The following AASDH variants were observed in gnomAD, a reference collection of about 807,000 sequenced individuals.
The protein encoded by AASDH is aminoadipate-semialdehyde dehydrogenase, also known as beta-alanine-activating enzyme.
AASDH carries 81 observed loss-of-function variants against 102.3 expected under a neutral mutation model. That is an observed-to-expected ratio of 0.79 (90% CI 0.66 to 0.95). The LOEUF is 0.95. Ranked by LOEUF, AASDH falls within the 40% of genes least tolerant of loss-of-function variation. The pLI, the probability that AASDH is intolerant of heterozygous loss-of-function variation, is 0.00. For synonymous variants in AASDH, 398 were observed against 454.0 expected, an observed-to-expected ratio of 0.88 and a Z score of 1.57; for missense variants, 1,203 against 1,266.2, an observed-to-expected ratio of 0.95 and a Z score of 0.76.
chr4:56,364,959 G>A (rs1455818993), intron 5 of AASDH, among the ~76,000 whole-genome samples: 2 of 152,236 alleles, frequency 1.3e-5, no homozygotes, highest in East Asian at 3.9e-4. Flanking sequence ...TCAGTGTGCT[G>A]TATTCAGGAA....
Position 56,378,206 on chromosome 4 carries a change from T to C in AASDH, c.610A>G (p.Ile204Val). 3 of 1,613,758 alleles carry C rather than the reference T, an allele frequency of 1.9e-6. No homozygotes were observed. The highest frequency in any genetic ancestry group is 2.5e-6 in the Non-Finnish European group (3 of 1,179,924). ...TGAGGCACTCTGACAATCTTCGGTA[T>C]CCCTGTAGTCCCTGATGTATGTAGA... ...YVLHTSGTTGIPKIVRVPHKC... is the reference protein window; with the variant it reads ...YVLHTSGTTGVPKIVRVPHKC... The change falls in exon 4 of 15, where the codon ATA becomes GTA. Residue 204 changes from isoleucine to valine, a missense_variant. Coordinates refer to ENST00000205214, the MANE Select transcript of AASDH (RefSeq NM_181806.4).
At chr4:56,364,611 C>A (rs528537221) in intron 5 of AASDH, among the ~76,000 whole-genome samples, 1 of 152,180 alleles carries the variant, frequency 6.6e-6, no homozygotes, top group South Asian at 2.1e-4. Flanking sequence ...TCATATCCAG[C>A]CAAACTAAGC....
At chr4:56,376,305 A>G (rs945425429) in intron 4 of AASDH, among the ~76,000 whole-genome samples, 22 of 152,184 alleles carry the variant, frequency 1.4e-4, no homozygotes, top group Non-Finnish European at 3.2e-4. Flanking sequence ...GATTACAGGC[A>G]TGAGCCACTG....
At chr4:56,356,771 T>G in intron 5 of AASDH, 1 of 730,044 alleles carries the variant, frequency 1.4e-6, no homozygotes, top group Non-Finnish European at 2.5e-6. Context: ...GACAAAGGCG[T>G]TTTGGCTAAG....
At position 56,371,313 on chromosome 4, in the gene AASDH, C is replaced by T. The variant is rs774021587; in HGVS notation, c.861+138G>A. The stretch of plus-strand genomic sequence containing the variant: ...AAATAAACAACAAAAAAAGTCACAT[C>T]CTGAGGAGACGGCCCTTGATAATCT... On this transcript the variant is annotated intron_variant, in intron 5 of 14. Transcript: ENST00000205214. 1.6e-4 allele frequency: 137 copies of T among 832,808 alleles called. No homozygotes were observed. The Admixed American group carries it at 2.5e-3, about 15-fold the overall frequency. The allele number at this position is 832,808 out of a possible 1,614,324, so 51.6% of individuals were successfully genotyped here.
chr4:56,371,452 T>C lies in AASDH; in HGVS notation c.860A>G (p.Gln287Arg), dbSNP rs571750893. ...ACGTTCATTGCTACTAAAATGTACC[T>C]GCAAAACAGTCACTCTATGATGGGA... The part of the protein sequence containing the change: ...LFSHHRVTVL[Q>R]ATPTLLRRFG... Residue 287 changes from glutamine to arginine, a missense_variant and splice_region_variant, in exon 5 of 15, where the codon CAG becomes CGG. Gln to Arg is a conservative substitution (Grantham distance 43, BLOSUM62 1). Coordinates refer to ENST00000205214, the MANE Select transcript of AASDH (RefSeq NM_181806.4). 2 of 1,597,736 alleles carry C rather than the reference T, an allele frequency of 1.3e-6. No homozygotes were observed. The highest frequency in any genetic ancestry group is 2.2e-5 in the East Asian group (1 of 44,796).
At chr4:56,384,673 A>G (rs1169566366) in intron 1 of AASDH, among the ~76,000 whole-genome samples, 2 of 151,920 alleles carry the variant, frequency 1.3e-5, no homozygotes, top group Non-Finnish European at 2.9e-5. Context: ...ATTAATCAAT[A>G]AAATCAAATT....
intron 11 of AASDH, among the ~76,000 whole-genome samples, chr4:56,347,874 C>T (rs941033926): frequency 1.3e-5 from 2 of 152,058 alleles, no homozygotes; most frequent in Admixed American, 6.6e-5. Flanking sequence ...TCCAGGAGGC[C>T]GGGTGCAGTG....
chr4:56,345,364 C>A, intron 11 of AASDH, 74 bp from the exon 12 acceptor site: 2 of 1,405,556 alleles, frequency 1.4e-6, no homozygotes, highest in Admixed American at 1.9e-5. Flanking sequence ...CTACAGCATG[C>A]AATTTATATT....
chr4:56,352,766 A>T (rs78310973), intron 9 of AASDH, among the ~76,000 whole-genome samples: 102 of 152,280 alleles, frequency 6.7e-4, no homozygotes, highest in African/African-American at 2.4e-3. Context: ...ACAGGGATTT[A>T]TATCATCAGC....
chr4:56,366,605 AC>A (rs1235165782), intron 5 of AASDH, among the ~76,000 whole-genome samples: 1 of 152,160 alleles, frequency 6.6e-6, no homozygotes, highest in African/African-American at 2.4e-5. Flanking sequence ...TATAAACAGA[AC>A]CAAAGACAAA....
At chr4:56,384,006 T>C in intron 2 of AASDH, 64 bp downstream of exon 2, 5 of 1,357,722 alleles carry the variant, frequency 3.7e-6, no homozygotes, top group Non-Finnish European at 4.2e-6. Context: ...ACTTGCAATA[T>C]ACTCTATTAA....
chr4:56,386,590 G>A (rs971159188), intron 1 of AASDH, among the ~76,000 whole-genome samples: 1 of 150,452 alleles, frequency 6.6e-6, no homozygotes, highest in African/African-American at 2.4e-5. Context: ...TCAGGAGATC[G>A]AGACCATCCT....
At chr4:56,343,458 T>C in intron 13 of AASDH, 104 bp downstream of exon 13, 1 of 807,032 alleles carries the variant, frequency 1.2e-6, no homozygotes, top group Non-Finnish European at 1.9e-6. Context: ...GTATGTGGAC[T>C]ACTACAATTA....
chr4:56,375,915 C>T (rs1752286634), intron 4 of AASDH, among the ~76,000 whole-genome samples: 1 of 151,988 alleles, frequency 6.6e-6, no homozygotes, highest in Non-Finnish European at 1.5e-5. Context: ...ATCTTCCTCC[C>T]ATCTAAATGT....
chr4:56,381,492 C>T (rs1356889018), intron 3 of AASDH, among the ~76,000 whole-genome samples: 4 of 151,794 alleles, frequency 2.6e-5, no homozygotes, highest in East Asian at 1.9e-4. Flanking sequence ...GCACAAGAAC[C>T]GCTTGAACCT....
At chr4:56,348,632 C>T (rs1340403188) in intron 11 of AASDH, among the ~76,000 whole-genome samples, 1 of 152,106 alleles carries the variant, frequency 6.6e-6, no homozygotes, top group Non-Finnish European at 1.5e-5. Flanking sequence ...ATAAAAGGTA[C>T]TCTGTTCCTC....
Position 56,349,357 on chromosome 4 carries a change from G to A in AASDH, c.2394C>T (p.Asp798=), listed in dbSNP as rs144474009. 3,098 of 1,614,148 alleles carry A rather than the reference G, an allele frequency of 1.9e-3. 5 individuals are homozygous for A. The highest frequency in any genetic ancestry group is 3.3e-3 in the Admixed American group (200 of 60,018). Residue 798 remains aspartate, a synonymous_variant, in exon 11 of 15, where the codon GAC becomes GAT. Coordinates refer to ENST00000205214, the MANE Select transcript of AASDH (RefSeq NM_181806.4). ...GSHSHRMKAV[D]FYSGKVKWEQ... ...CCCATTTTACCTTCCCAGAGTAAAA[G>A]TCAACTGCCTTCATTCTATGAGAAT...
In AASDH at chr4:56,356,262, A is replaced by G. The variant is rs1045634219; in HGVS notation, c.862-839T>C. On this transcript the variant is annotated intron_variant, in intron 5 of 14. Coordinates refer to ENST00000205214, the MANE Select transcript of AASDH (RefSeq NM_181806.4). ...CCTAAGAATTTTGGCACTGAGCAAG[A>G]CATCCAGCCCAAAAGAGACCTCACC... is the stretch of plus-strand genomic sequence containing the variant. 3.4e-5 allele frequency: 32 copies of G among 935,250 alleles called. 1 individual carries two copies. The highest frequency in any genetic ancestry group is 3.1e-4 in the East Asian group (13 of 41,690). 57.9% of individuals were successfully genotyped at this position (935,250 alleles called of 1,614,324 possible).
Sources: gnomAD v4.1 joint callset for allele counts (sites outside exome capture counted in the v4.1 genomes callset) on GRCh38, gnomAD v4.1.1 for gene constraint, MANE v1.5 for transcripts, NCBI Gene and HGNC (gene_info 2026-07-23, HGNC 2026-07-21) for gene names.